Variants in CNTN1 observed in about 807,000 individuals in gnomAD.
CNTN1 encodes contactin-1.
In CNTN1, 38 loss-of-function variants were observed where a neutral mutation model predicts 126.4. That is an observed-to-expected ratio of 0.30 (90% CI 0.23 to 0.39). The LOEUF (loss-of-function observed/expected upper bound fraction) is 0.39. Ranked by LOEUF, CNTN1 falls within the 10% of genes least tolerant of loss-of-function variation. CNTN1 has a pLI of 1.00. For synonymous variants in CNTN1, 413 were observed against 422.6 expected, an observed-to-expected ratio of 0.98 and a Z score of 0.28; for missense variants, 1,009 against 1,248.4, an observed-to-expected ratio of 0.81 and a Z score of 2.89.
At chr12:40,881,110 C>A (rs1943854768) in intron 1 of CNTN1, among the ~76,000 whole-genome samples, 1 of 151,902 alleles carries the variant, frequency 6.6e-6, no homozygotes, top group African/African-American at 2.4e-5. Flanking sequence ...CCACATACAT[C>A]CACATAGAAT....
intron 9 of CNTN1, among the ~76,000 whole-genome samples, chr12:40,934,768 CA>C (rs1946022913): frequency 6.6e-6 from 1 of 152,008 alleles, no homozygotes; most frequent in Non-Finnish European, 1.5e-5. Context: ...AATTGCACTC[CA>C]ACATGATTTG....
chr12:40,982,961 A>AG (rs1315387926), intron 16 of CNTN1, among the ~76,000 whole-genome samples: 6 of 137,660 alleles, frequency 4.4e-5, no homozygotes, highest in Admixed American at 7.3e-5. Context: ...GGGAGGGGGG[A>AG]GGATAGCATT....
chr12:40,751,803 C>T (rs1565685580), intron 1 of CNTN1, among the ~76,000 whole-genome samples: 1 of 152,036 alleles, frequency 6.6e-6, no homozygotes, highest in African/African-American at 2.4e-5. Flanking sequence ...TAACATCTAC[C>T]TATTGACCTC....
chr12:41,065,375 A>G (rs1950027691), intron 23 of CNTN1, among the ~76,000 whole-genome samples: 1 of 152,046 alleles, frequency 6.6e-6, no homozygotes, highest in Non-Finnish European at 1.5e-5. Flanking sequence ...CTTTATTGAT[A>G]CTCATATTAG....
intron 1 of CNTN1, chr12:40,763,092 C>G (rs1378138233): frequency 6.6e-6 from 1 of 152,338 alleles, no homozygotes; most frequent in African/African-American, 2.4e-5. Flanking sequence ...TCCTCTCTTT[C>G]TAGCCATGTG....
At chr12:40,930,026 C>T in intron 7 of CNTN1, 24 bp downstream of exon 7, 4 of 1,540,672 alleles carry the variant, frequency 2.6e-6, no homozygotes, top group Non-Finnish European at 3.6e-6. Flanking sequence ...TTGTTACACT[C>T]TGTTTTCGCA....
At chr12:40,892,761 A>C (rs1944284385) in intron 1 of CNTN1, among the ~76,000 whole-genome samples, 1 of 152,036 alleles carries the variant, frequency 6.6e-6, no homozygotes, top group African/African-American at 2.4e-5. Context: ...ACAGGGTTGG[A>C]GGGTGATTTG....
At chr12:40,927,206 T>G (rs11179081) in intron 6 of CNTN1, among the ~76,000 whole-genome samples, 39,172 of 152,004 alleles carry the variant, frequency 0.26, 5,489 homozygotes, top group Middle Eastern at 0.35. Context: ...AATAATTTTA[T>G]GGTTATTTAT....
intron 6 of CNTN1, among the ~76,000 whole-genome samples, chr12:40,927,150 C>G (rs1945724370): frequency 6.6e-6 from 1 of 151,812 alleles, no homozygotes; most frequent in South Asian, 2.1e-4. Context: ...ATATATCTAC[C>G]GATAAAAGCA....
At chr12:40,984,633 A>G (rs974401386) in intron 16 of CNTN1, among the ~76,000 whole-genome samples, 1 of 152,150 alleles carries the variant, frequency 6.6e-6, no homozygotes, top group African/African-American at 2.4e-5. Flanking sequence ...CCATGACCCA[A>G]ACTCCTCTTA....
At chr12:40,925,609 G>GTATATATATATATACGTGTA (rs1555181842) in intron 6 of CNTN1, among the ~76,000 whole-genome samples, 60 of 140,674 alleles carry the variant, frequency 4.3e-4, no homozygotes, top group African/African-American at 1.5e-3. Flanking sequence ...ATATATACGT[G>GTATATATATATATACGTGTA]TATATATATA....
At chr12:40,750,781 T>C (rs1938377254) in intron 1 of CNTN1, among the ~76,000 whole-genome samples, 1 of 152,122 alleles carries the variant, frequency 6.6e-6, no homozygotes, top group Admixed American at 6.6e-5. Flanking sequence ...ATATTTATCT[T>C]GAGGATCTTA....
chr12:40,879,567 G>A (rs1250715964), intron 1 of CNTN1, among the ~76,000 whole-genome samples: 1 of 152,090 alleles, frequency 6.6e-6, no homozygotes. Context: ...AGAAAATTAA[G>A]AAAGGAGTGA....
intron 1 of CNTN1, among the ~76,000 whole-genome samples, chr12:40,721,494 T>A (rs1942210960): frequency 6.6e-6 from 1 of 152,132 alleles, no homozygotes; most frequent in South Asian, 2.1e-4. Flanking sequence ...ATATTCATTT[T>A]TATAATTTAT....
chr12:41,019,199 A>T (rs1409166650), intron 19 of CNTN1, among the ~76,000 whole-genome samples: 1 of 152,204 alleles, frequency 6.6e-6, no homozygotes, highest in East Asian at 1.9e-4. Context: ...AACTTCACTC[A>T]GTTTTAATAA....
At chr12:40,886,801 C>T (rs1944050377) in intron 1 of CNTN1, among the ~76,000 whole-genome samples, 1 of 152,210 alleles carries the variant, frequency 6.6e-6, no homozygotes, top group South Asian at 2.1e-4. Context: ...GCCAGTTTTC[C>T]CAGCACCATT....
intron 1 of CNTN1, among the ~76,000 whole-genome samples, chr12:40,805,104 C>T (rs1409535326): frequency 2.0e-5 from 3 of 151,992 alleles, no homozygotes; most frequent in Non-Finnish European, 4.4e-5. Context: ...TTATTTTCGT[C>T]AGTGTGACTG....
At chr12:40,760,949 C>T (rs966509751) in intron 1 of CNTN1, among the ~76,000 whole-genome samples, 2 of 151,968 alleles carry the variant, frequency 1.3e-5, no homozygotes, top group African/African-American at 2.4e-5. Context: ...CTCCAGAACA[C>T]TGAATTGTTC....
chr12:40,730,297 C>T (rs1213949905), intron 1 of CNTN1, among the ~76,000 whole-genome samples: 2 of 152,192 alleles, frequency 1.3e-5, no homozygotes, highest in Non-Finnish European at 2.9e-5. Context: ...GGGCAAAGCC[C>T]CTTTTCTTCT....
Sources: allele counts gnomAD v4.1 joint callset (sites outside exome capture counted in the v4.1 genomes callset), GRCh38; gene constraint gnomAD v4.1.1; transcripts MANE v1.5; gene names NCBI Gene and HGNC (gene_info 2026-07-23, HGNC 2026-07-21).